DOCK4: variants seen among roughly 807,000 people sequenced by gnomAD.
The protein encoded by DOCK4 is dedicator of cytokinesis protein 4.
Under a neutral mutation model 268.1 loss-of-function variants are expected in DOCK4, and 97 were observed. The ratio of observed to expected loss-of-function variants is 0.36; its 90% confidence interval spans 0.31 to 0.43. The LOEUF is 0.43. Among genes scored for constraint, DOCK4 ranks in the 20% least tolerant of loss-of-function variants. The pLI is 1.00. For synonymous variants in DOCK4, 954 were observed against 887.2 expected (o/e 1.08, Z -1.34); for missense variants, 2,145 against 2,455.7 (o/e 0.87, Z 2.67).
At chr7:111,733,515 T>C (rs1795255149) in intron 51 of DOCK4, among the ~76,000 whole-genome samples, 1 of 152,212 alleles carries the variant, frequency 6.6e-6, no homozygotes, top group Non-Finnish European at 1.5e-5. Context: ...AAATCACATC[T>C]GTATGGAGAA....
intron 11 of DOCK4, among the ~76,000 whole-genome samples, chr7:111,937,644 G>C (rs1395848195): frequency 6.6e-6 from 1 of 152,212 alleles, no homozygotes; most frequent in Non-Finnish European, 1.5e-5. Flanking sequence ...AAGAAATGAT[G>C]AGAGTGTGTT....
At chr7:112,109,716 A>G (rs1453041369) in intron 1 of DOCK4, among the ~76,000 whole-genome samples, 2 of 144,840 alleles carry the variant, frequency 1.4e-5, no homozygotes, top group Admixed American at 6.9e-5. Flanking sequence ...ATATAGCACT[A>G]TTTTTTTTTA....
intron 30 of DOCK4, among the ~76,000 whole-genome samples, chr7:111,792,180 T>C (rs545553964): frequency 6.6e-6 from 1 of 152,332 alleles, no homozygotes; most frequent in East Asian, 1.9e-4. Flanking sequence ...AATATGACTA[T>C]TGCATGCTAT....
At chr7:111,879,401 T>A (rs1807186489) in intron 16 of DOCK4, among the ~76,000 whole-genome samples, 1 of 152,100 alleles carries the variant, frequency 6.6e-6, no homozygotes, top group African/African-American at 2.4e-5. Context: ...CCAGCTGTGA[T>A]GATTACAGTG....
chr7:111,869,751 T>C, intron 20 of DOCK4, 96 bp from the exon 21 acceptor site: 1 of 992,920 alleles, frequency 1.0e-6, no homozygotes, highest in Non-Finnish European at 1.5e-6. Context: ...TGAGGAGGTT[T>C]CTTTTCCCAT....
rs77213147 is a variant in DOCK4 at position 111,769,910 on chromosome 7, G to A, written c.3680-233C>T. Among the ~76,000 whole-genome samples, 24 of 152,094 alleles carry A rather than the reference G, an allele frequency of 1.6e-4. No homozygotes were observed. The East Asian group carries it at 4.1e-3, about 26-fold the overall frequency. ...TTCATCTTTTGTTTCCTGTATTTTC[G>A]TTTCTGTTTTTGTCTTTTGTTTTTG... is the stretch of plus-strand genomic sequence containing the variant. On this transcript the variant is annotated intron_variant, in intron 36 of 52. Coordinates refer to ENST00000428084, the MANE Select transcript of DOCK4 (RefSeq NM_001363540.2).
chr7:111,733,256 A>G (rs912907309), intron 51 of DOCK4, among the ~76,000 whole-genome samples: 1 of 152,256 alleles, frequency 6.6e-6, no homozygotes, highest in Non-Finnish European at 1.5e-5. Flanking sequence ...AGATGATGAC[A>G]TAAGAACAGA....
At chr7:112,178,491 C>A (rs573504859) in intron 1 of DOCK4, among the ~76,000 whole-genome samples, 1 of 152,152 alleles carries the variant, frequency 6.6e-6, no homozygotes, top group African/African-American at 2.4e-5. Context: ...ACCTTTGTCT[C>A]GGCTTCCCAT....
In DOCK4 at chr7:111,728,457, G is replaced by A. The variant is rs981045519; in HGVS notation, c.5745C>T (p.Tyr1915=). ...GGACGGGGCGCCGCAGAGTCCGCTCGTAGACGCTGTACGGGGGCGGAGTCT... is the reference window on the plus strand; with the variant it reads ...GGACGGGGCGCCGCAGAGTCCGCTCATAGACGCTGTACGGGGGCGGAGTCT... ...ESKTPPPYSV[Y]ERTLRRPVPL... Residue 1915 remains tyrosine, a synonymous_variant, in exon 53 of 53, where the codon TAC becomes TAT. Transcript: ENST00000428084. 6.8e-6 allele frequency: 11 copies of A among 1,608,618 alleles called. No individual in the cohort carries two copies. Among genetic ancestry groups the A allele is most frequent in the East Asian group, 2.2e-5 (1 of 44,864 alleles).
chr7:111,947,867 C>T (rs552947303), intron 8 of DOCK4, among the ~76,000 whole-genome samples: 30 of 152,006 alleles, frequency 2.0e-4, no homozygotes, highest in African/African-American at 6.8e-4. Context: ...GGGACTACAG[C>T]TGTGTGCCAC....
intron 23 of DOCK4, among the ~76,000 whole-genome samples, chr7:111,861,746 A>C (rs1420357234): frequency 2.0e-5 from 2 of 98,544 alleles, no homozygotes; most frequent in African/African-American, 1.6e-4. Flanking sequence ...ACTCAGTCTC[A>C]AAAAAAAAAA....
At chr7:111,972,615 C>T (rs1040999242) in intron 8 of DOCK4, among the ~76,000 whole-genome samples, 1 of 151,944 alleles carries the variant, frequency 6.6e-6, no homozygotes, top group African/African-American at 2.4e-5. Flanking sequence ...GACAAGGTAA[C>T]GTTCTGTGAT....
At position 111,948,650 on chromosome 7, in the gene DOCK4, A is replaced by G. The variant is rs141582822; in HGVS notation, c.702-2852T>C. Among the ~76,000 whole-genome samples, 1,414 of 151,272 alleles carry G rather than the reference A, an allele frequency of 9.3e-3. 11 individuals are homozygous for G. The highest frequency in any genetic ancestry group is 0.02 in the Middle Eastern group (6 of 294). ...ACTCTTGTTGCCCAGGGTAGAGTGC[A>G]ATGGCGCGATCTCGGCTCATTGCAA... is the stretch of plus-strand genomic sequence containing the variant. On this transcript the variant is annotated intron_variant, in intron 8 of 52. Coordinates refer to ENST00000428084, the MANE Select transcript of DOCK4 (RefSeq NM_001363540.2).
intron 1 of DOCK4, among the ~76,000 whole-genome samples, chr7:112,099,917 T>C (rs1248348565): frequency 1.8e-4 from 27 of 152,228 alleles, no homozygotes; most frequent in Non-Finnish European, 1.5e-5. Context: ...GTGTTTTTTG[T>C]AGATTTATTA....
Position 112,000,692 on chromosome 7 carries a change from C to T in DOCK4, c.122-158G>A, listed in dbSNP as rs151149326. ...ATTGGCCTTAGGCTACAAAATAGCTCGAGTGACCAAACATAAGAATTCTAT... is the reference window on the plus strand; with the variant it reads ...ATTGGCCTTAGGCTACAAAATAGCTTGAGTGACCAAACATAAGAATTCTAT... On this transcript the variant is annotated intron_variant, in intron 2 of 52. Transcript: ENST00000428084. Among the ~76,000 whole-genome samples, 436 of 152,058 alleles carry T rather than the reference C, an allele frequency of 2.9e-3. 2 individuals carry two copies. The highest frequency in any genetic ancestry group is 9.4e-3 in the African/African-American group (388 of 41,470).
chr7:112,189,721 T>C (rs147777170), intron 1 of DOCK4, among the ~76,000 whole-genome samples: 4 of 151,488 alleles, frequency 2.6e-5, no homozygotes, highest in Non-Finnish European at 4.4e-5. Flanking sequence ...CTAGCCTTCT[T>C]GTTTTTATTC....
At chr7:111,805,892 T>C (rs1347748138) in intron 30 of DOCK4, among the ~76,000 whole-genome samples, 2 of 152,212 alleles carry the variant, frequency 1.3e-5, no homozygotes, top group African/African-American at 4.8e-5. Flanking sequence ...GCATTTTGTA[T>C]CTATTAAAAA....
intron 26 of DOCK4, among the ~76,000 whole-genome samples, chr7:111,830,424 T>TCAAAACAAAA (rs60548599): frequency 5.3e-5 from 8 of 150,890 alleles, no homozygotes; most frequent in East Asian, 2.0e-4. Context: ...AGACTCATTC[T>TCAAAACAAAA]CAAAACAAAA....
chr7:112,117,151 C>A (rs149699686), intron 1 of DOCK4, among the ~76,000 whole-genome samples: 1 of 152,182 alleles, frequency 6.6e-6, no homozygotes, highest in African/African-American at 2.4e-5. Context: ...CCATTGATAC[C>A]TGGTGTTAAC....
Sources: allele counts gnomAD v4.1 joint callset (sites outside exome capture counted in the v4.1 genomes callset), GRCh38; gene constraint gnomAD v4.1.1; transcripts MANE v1.5; gene names NCBI Gene and HGNC (gene_info 2026-07-23, HGNC 2026-07-21).